Variants in CTNNA2 observed in about 807,000 individuals in gnomAD.
The protein encoded by CTNNA2 is catenin alpha 2, also known as catenin alpha-2.
In CTNNA2, 42 loss-of-function variants were observed where a neutral mutation model predicts 101.0. That is an observed-to-expected ratio of 0.42 (90% CI 0.32 to 0.54). CTNNA2 has a LOEUF of 0.54. Among genes scored for constraint, CTNNA2 ranks in the 20% least tolerant of loss-of-function variants. The pLI, the probability that CTNNA2 is intolerant of heterozygous loss-of-function variation, is 0.14. For missense variants in CTNNA2, 871 were observed against 1,223.1 expected, an observed-to-expected ratio of 0.71 and a Z score of 4.29; for synonymous variants, 450 against 456.4, an observed-to-expected ratio of 0.99 and a Z score of 0.18.
intron 4 of CTNNA2, among the ~76,000 whole-genome samples, chr2:79,860,507 TCAA>T (rs1337676535): frequency 3.8e-4 from 57 of 148,470 alleles, no homozygotes; most frequent in African/African-American, 1.3e-3. Context: ...TAATGGGGAG[TCAA>T]TTGCAATCTC....
intron 7 of CTNNA2, among the ~76,000 whole-genome samples, chr2:79,969,879 T>G (rs1264793176): frequency 1.3e-5 from 2 of 152,152 alleles, no homozygotes; most frequent in Admixed American, 6.5e-5. Context: ...ATGCCAAAAG[T>G]GTGGTTTTAT....
chr2:79,903,891 A>G (rs970595975), intron 6 of CTNNA2, among the ~76,000 whole-genome samples: 2 of 152,194 alleles, frequency 1.3e-5, no homozygotes, highest in Non-Finnish European at 2.9e-5. Context: ...ATGAGACTGC[A>G]GTAGAACTAC....
At chr2:79,871,645 C>T (rs956088494) in intron 5 of CTNNA2, among the ~76,000 whole-genome samples, 1 of 152,190 alleles carries the variant, frequency 6.6e-6, no homozygotes, top group African/African-American at 2.4e-5. Flanking sequence ...ACTTAATTCA[C>T]TGGCTCACAT....
At chr2:79,528,907 A>G (rs1174696394) in intron 1 of CTNNA2, among the ~76,000 whole-genome samples, 4 of 152,168 alleles carry the variant, frequency 2.6e-5, no homozygotes, top group Non-Finnish European at 4.4e-5. Context: ...ATCTAATGGT[A>G]TATAGCGGGA....
intron 2 of CTNNA2, among the ~76,000 whole-genome samples, chr2:79,206,253 G>C (rs1674098288): frequency 6.8e-6 from 1 of 147,432 alleles, no homozygotes; most frequent in Non-Finnish European, 1.5e-5. Context: ...GGCAATTATG[G>C]AAAAAAAGTT....
At chr2:79,997,009 A>C (rs1001650968) in intron 7 of CTNNA2, among the ~76,000 whole-genome samples, 2 of 152,122 alleles carry the variant, frequency 1.3e-5, no homozygotes, top group Admixed American at 6.5e-5. Context: ...TAGGGGCCAG[A>C]GTAAGAACCA....
intron 1 of CTNNA2, among the ~76,000 whole-genome samples, chr2:79,532,188 G>A (rs1205533589): frequency 6.6e-6 from 1 of 152,010 alleles, no homozygotes; most frequent in African/African-American, 2.4e-5. Flanking sequence ...AGGATTAATG[G>A]ATAAAGTAAT....
At chr2:79,327,060 G>A (rs1346894979) in intron 3 of CTNNA2, among the ~76,000 whole-genome samples, 1 of 152,150 alleles carries the variant, frequency 6.6e-6, no homozygotes, top group Non-Finnish European at 1.5e-5. Flanking sequence ...TGTAATAACA[G>A]CTTTCCTGCA....
chr2:80,597,628 GAAA>G (rs968650263), intron 15 of CTNNA2, among the ~76,000 whole-genome samples: 1 of 151,528 alleles, frequency 6.6e-6, no homozygotes, highest in African/African-American at 2.4e-5. Context: ...ACATTTACAA[GAAA>G]AAAAACACCA....
At chr2:80,568,301 T>C (rs1694243199) in intron 12 of CTNNA2, among the ~76,000 whole-genome samples, 1 of 152,230 alleles carries the variant, frequency 6.6e-6, no homozygotes, top group South Asian at 2.1e-4. Context: ...AATGTGATGC[T>C]ACTCACTTTG....
intron 7 of CTNNA2, among the ~76,000 whole-genome samples, chr2:79,950,382 A>G (rs1225550121): frequency 6.6e-6 from 1 of 152,190 alleles, no homozygotes; most frequent in East Asian, 1.9e-4. Flanking sequence ...GAGTTTTCCT[A>G]TTTGATTTTC....
At chr2:79,768,277 C>G (rs957225579) in intron 3 of CTNNA2, among the ~76,000 whole-genome samples, 4 of 151,382 alleles carry the variant, frequency 2.6e-5, no homozygotes. Flanking sequence ...TTCAGTGATC[C>G]AGGAGTTTTC....
chr2:79,349,695 G>A (rs1366327621), intron 3 of CTNNA2, among the ~76,000 whole-genome samples: 3 of 152,174 alleles, frequency 2.0e-5, no homozygotes, highest in Non-Finnish European at 4.4e-5. Flanking sequence ...TTTCAGGAAA[G>A]CATCAAATAT....
intron 2 of CTNNA2, among the ~76,000 whole-genome samples, chr2:79,671,324 A>AATGG (rs1682823511): frequency 6.6e-6 from 1 of 152,244 alleles, no homozygotes; most frequent in South Asian, 2.1e-4. Flanking sequence ...TAGAGCATAG[A>AATGG]ATGGATGCTT....
Position 79,751,593 on chromosome 2 carries a change from C to CAA in CTNNA2, c.298+7032_298+7033dup, listed in dbSNP as rs397985098. ...CCTGGGTGATGGAGAGACTCCATCT[C>CAA]AAAAAAAAAAAAAAAAAAAAAAGAA... On this transcript the variant is annotated intron_variant, in intron 3 of 18. Coordinates refer to ENST00000402739, the MANE Select transcript of CTNNA2 (RefSeq NM_001282597.3). Among the ~76,000 whole-genome samples the CAA allele has an allele frequency of 6.4e-3, 440 of 68,636 alleles. 1 individual carries two copies. The highest frequency in any genetic ancestry group is 0.014 in the African/African-American group (267 of 19,772). The allele number at this position is 68,636 out of a possible 152,430, so 45.0% of individuals were successfully genotyped here.
chr2:79,831,899 A>G (rs1204479549), intron 3 of CTNNA2, among the ~76,000 whole-genome samples: 1 of 152,076 alleles, frequency 6.6e-6, no homozygotes, highest in African/African-American at 2.4e-5. Flanking sequence ...CAGATGATGA[A>G]TAATTTCTGC....
intron 2 of CTNNA2, among the ~76,000 whole-genome samples, chr2:79,703,835 G>C (rs958540966): frequency 3.9e-5 from 6 of 152,082 alleles, no homozygotes; most frequent in Non-Finnish European, 7.4e-5. Context: ...AAATATTACA[G>C]TATTTTGTAT....
At chr2:80,606,467 A>C (rs138449873) in intron 16 of CTNNA2, among the ~76,000 whole-genome samples, 68 of 151,540 alleles carry the variant, frequency 4.5e-4, no homozygotes, top group African/African-American at 1.6e-3. Flanking sequence ...AAATGCTACT[A>C]TTTCACAGTG....
intron 9 of CTNNA2, among the ~76,000 whole-genome samples, chr2:80,505,179 G>T (rs777778637): frequency 2.0e-5 from 3 of 152,212 alleles, no homozygotes; most frequent in Non-Finnish European, 4.4e-5. Flanking sequence ...CATCAGGGTT[G>T]GCTCAAATTT....
Sources: allele counts gnomAD v4.1 joint callset (sites outside exome capture counted in the v4.1 genomes callset), GRCh38; gene constraint gnomAD v4.1.1; transcripts MANE v1.5; gene names NCBI Gene and HGNC (gene_info 2026-07-23, HGNC 2026-07-21).